Variants in CTNNA3 observed in about 807,000 individuals in gnomAD.
The protein encoded by CTNNA3 is catenin alpha 3, also known as catenin alpha-3.
Under a neutral mutation model 95.7 loss-of-function variants are expected in CTNNA3, and 76 were observed. The ratio of observed to expected loss-of-function variants is 0.79; its 90% CI spans 0.66 to 0.96. CTNNA3 has a LOEUF of 0.96. Among genes scored for constraint, CTNNA3 ranks in the 40% least tolerant of loss-of-function variants. CTNNA3 has a pLI of 0.00. For missense variants in CTNNA3, 1,191 were observed against 1,089.8 expected (o/e 1.09, Z -1.31); for synonymous variants, 431 against 374.4 (o/e 1.15, Z -1.74).
At chr10:67,520,988 C>T (rs965132707) in intron 5 of CTNNA3, among the ~76,000 whole-genome samples, 2 of 152,166 alleles carry the variant, frequency 1.3e-5, no homozygotes, top group Admixed American at 6.5e-5. Flanking sequence ...GCAAGTCAGA[C>T]ATTTAGTCAT....
intron 5 of CTNNA3, among the ~76,000 whole-genome samples, chr10:67,411,046 G>GA (rs1303351943): frequency 6.6e-6 from 1 of 152,076 alleles, no homozygotes; most frequent in East Asian, 1.9e-4. Flanking sequence ...CAGAGGCTGG[G>GA]AGTGAGGAGA....
chr10:67,234,275 G>A (rs1206383501), intron 5 of CTNNA3, among the ~76,000 whole-genome samples: 1 of 152,132 alleles, frequency 6.6e-6, no homozygotes, highest in Non-Finnish European at 1.5e-5. Flanking sequence ...TAAAATACTG[G>A]GAAACCAAAT....
intron 12 of CTNNA3, among the ~76,000 whole-genome samples, chr10:66,328,933 T>TATATATATATATATACACAC (rs59003281): frequency 5.2e-5 from 6 of 115,416 alleles, no homozygotes; most frequent in East Asian, 2.9e-4. Flanking sequence ...TATATATATA[T>TATATATATATATATACACAC]ACACACACAC....
intron 7 of CTNNA3, among the ~76,000 whole-genome samples, chr10:66,775,911 C>T (rs1437857937): frequency 6.6e-6 from 1 of 152,100 alleles, no homozygotes; most frequent in African/African-American, 2.4e-5. Context: ...AAGTCATTTC[C>T]ATGGTGTATT....
intron 7 of CTNNA3, among the ~76,000 whole-genome samples, chr10:67,086,327 T>A (rs1433813775): frequency 6.6e-6 from 1 of 152,028 alleles, no homozygotes; most frequent in Non-Finnish European, 1.5e-5. Flanking sequence ...ATACAGAATA[T>A]CACTTCATTT....
chr10:67,488,672 C>T (rs1244753650), intron 5 of CTNNA3, among the ~76,000 whole-genome samples: 3 of 130,754 alleles, frequency 2.3e-5, no homozygotes, highest in African/African-American at 6.1e-5. Flanking sequence ...TGCCCGGCCT[C>T]TTTTTTTTTT....
intron 5 of CTNNA3, among the ~76,000 whole-genome samples, chr10:67,436,842 C>T (rs562145509): frequency 2.6e-5 from 4 of 151,966 alleles, no homozygotes; most frequent in African/African-American, 4.8e-5. Context: ...GGCATGGATG[C>T]GGTGATCAGG....
chr10:66,685,224 T>C (rs1227552922), intron 9 of CTNNA3, among the ~76,000 whole-genome samples: 1 of 142,970 alleles, frequency 7.0e-6, no homozygotes, highest in Non-Finnish European at 1.5e-5. Flanking sequence ...TATGTGTATA[T>C]ATATACGTAT....
chr10:66,132,447 T>C (rs756795825), intron 13 of CTNNA3, among the ~76,000 whole-genome samples: 6 of 152,158 alleles, frequency 3.9e-5, no homozygotes, highest in Non-Finnish European at 7.4e-5. Flanking sequence ...TTATACACTG[T>C]TGGTGGGAGT....
At chr10:66,762,948 A>G (rs1055375366) in intron 9 of CTNNA3, among the ~76,000 whole-genome samples, 1 of 152,100 alleles carries the variant, frequency 6.6e-6, no homozygotes, top group Non-Finnish European at 1.5e-5. Context: ...ATCAAAACAA[A>G]GACATGTTGA....
intron 5 of CTNNA3, among the ~76,000 whole-genome samples, chr10:67,444,731 C>T (rs1316259295): frequency 6.6e-6 from 1 of 151,882 alleles, no homozygotes; most frequent in African/African-American, 2.4e-5. Context: ...ACTGATACCA[C>T]AGAAATTCAA....
chr10:66,451,055 C>T (rs377209731), intron 11 of CTNNA3, among the ~76,000 whole-genome samples: 9 of 152,030 alleles, frequency 5.9e-5, no homozygotes, highest in Admixed American at 2.6e-4. Flanking sequence ...TTCAATAGCA[C>T]GTGTACACAC....
At chr10:66,469,257 C>T (rs1003016390) in intron 11 of CTNNA3, among the ~76,000 whole-genome samples, 1 of 151,686 alleles carries the variant, frequency 6.6e-6, no homozygotes, top group Non-Finnish European at 1.5e-5. Flanking sequence ...TGGAAGCTGT[C>T]AAGGAATTTT....
intron 7 of CTNNA3, among the ~76,000 whole-genome samples, chr10:67,145,370 T>A (rs1860789414): frequency 6.6e-6 from 1 of 151,992 alleles, no homozygotes; most frequent in South Asian, 2.1e-4. Context: ...TTTGATGGGG[T>A]AGTAGGTGTG....
At chr10:66,098,365 G>C (rs2133722855) in intron 14 of CTNNA3, among the ~76,000 whole-genome samples, 1 of 152,224 alleles carries the variant, frequency 6.6e-6, no homozygotes, top group Non-Finnish European at 1.5e-5. Context: ...AATATGGCTT[G>C]CATAAACTAC....
At chr10:66,793,408 G>C (rs1841056827) in intron 7 of CTNNA3, among the ~76,000 whole-genome samples, 1 of 152,052 alleles carries the variant, frequency 6.6e-6, no homozygotes, top group Non-Finnish European at 1.5e-5. Flanking sequence ...CTCCCAAACT[G>C]TTAGGATTAC....
intron 9 of CTNNA3, among the ~76,000 whole-genome samples, chr10:66,640,552 TCTCTGAAGATTA>T (rs1179803428): frequency 6.6e-6 from 1 of 152,134 alleles, no homozygotes; most frequent in Non-Finnish European, 1.5e-5. Flanking sequence ...TACAGGCTTA[TCTCTGAAGATTA>T]CTCCCCAGTA....
intron 1 of CTNNA3, among the ~76,000 whole-genome samples, chr10:67,688,280 G>A (rs958776960): frequency 4.6e-5 from 7 of 152,072 alleles, no homozygotes; most frequent in African/African-American, 1.7e-4. Flanking sequence ...GATAGCTCAG[G>A]GGTTTTTGTG....
intron 7 of CTNNA3, among the ~76,000 whole-genome samples, chr10:66,916,795 T>C (rs1425017979): frequency 6.6e-6 from 1 of 152,096 alleles, no homozygotes; most frequent in Non-Finnish European, 1.5e-5. Context: ...AGTTGGAGAA[T>C]TGGTTGGTAT....
Sources: gnomAD v4.1 joint callset for allele counts (sites outside exome capture counted in the v4.1 genomes callset) on GRCh38, gnomAD v4.1.1 for gene constraint, MANE v1.5 for transcripts, NCBI Gene and HGNC (gene_info 2026-07-23, HGNC 2026-07-21) for gene names.